Variants in NR6A1 observed in about 807,000 individuals in gnomAD.
The protein encoded by NR6A1 is nuclear receptor subfamily 6 group A member 1.
Under a neutral mutation model 59.1 loss-of-function variants are expected in NR6A1, and 7 were observed. The observed-to-expected ratio is 0.12, with a 90% CI of 0.07 to 0.22. NR6A1 has a LOEUF of 0.22. Ranked by LOEUF, NR6A1 falls within the 10% of genes least tolerant of loss-of-function variation. NR6A1 has a pLI of 1.00. For missense variants in NR6A1, 468 were observed against 611.6 expected (o/e 0.77, Z 2.48); for synonymous variants, 243 against 236.1 (o/e 1.03, Z -0.27).
At chr9:124,620,088 G>A (rs1027537572) in intron 2 of NR6A1, among the ~76,000 whole-genome samples, 2 of 151,946 alleles carry the variant, frequency 1.3e-5, no homozygotes, top group African/African-American at 2.4e-5. Context: ...CAATTAATTT[G>A]TTTTATTGTT....
chr9:124,558,703 G>C (rs557647563), intron 2 of NR6A1, among the ~76,000 whole-genome samples: 22 of 152,234 alleles, frequency 1.4e-4, no homozygotes, highest in African/African-American at 5.1e-4. Context: ...TAGTCATCCA[G>C]CTAGTAAGGG....
intron 2 of NR6A1, among the ~76,000 whole-genome samples, chr9:124,639,813 T>C (rs1463623239): frequency 6.6e-6 from 1 of 152,216 alleles, no homozygotes; most frequent in African/African-American, 2.4e-5. Flanking sequence ...TTGACCAAGT[T>C]GTTTCAATAG....
chr9:124,542,524 T>C (rs906021931), intron 4 of NR6A1, among the ~76,000 whole-genome samples: 2 of 152,190 alleles, frequency 1.3e-5, no homozygotes, highest in African/African-American at 4.8e-5. Context: ...CAAACTATTA[T>C]CTGTATCTCT....
chr9:124,619,539 A>G (rs1836001422), intron 2 of NR6A1, among the ~76,000 whole-genome samples: 2 of 152,208 alleles, frequency 1.3e-5, no homozygotes, highest in Admixed American at 6.5e-5. Flanking sequence ...CTGGGGTTAC[A>G]GGCATGAGCC....
intron 1 of NR6A1, among the ~76,000 whole-genome samples, chr9:124,762,523 G>A (rs1226048500): frequency 6.6e-6 from 1 of 152,156 alleles, no homozygotes; most frequent in African/African-American, 2.4e-5. Context: ...AATCGGAAAA[G>A]GAAGAAGTAT....
chr9:124,668,852 C>T (rs1837704905), intron 2 of NR6A1, among the ~76,000 whole-genome samples: 1 of 152,004 alleles, frequency 6.6e-6, no homozygotes, highest in Non-Finnish European at 1.5e-5. Flanking sequence ...ATCCTAAGCT[C>T]GCAAACACTG....
chr9:124,602,426 C>G (rs1309026298), intron 2 of NR6A1, among the ~76,000 whole-genome samples: 1 of 152,202 alleles, frequency 6.6e-6, no homozygotes, highest in East Asian at 1.9e-4. Flanking sequence ...CTGAACACAG[C>G]AACAGCTCAA....
chr9:124,746,397 T>A (rs747006071), intron 1 of NR6A1, among the ~76,000 whole-genome samples: 1 of 152,176 alleles, frequency 6.6e-6, no homozygotes, highest in Non-Finnish European at 1.5e-5. Flanking sequence ...AAGACCAGCC[T>A]GGTCACCACG....
Position 124,654,875 on chromosome 9 carries a change from T to TACACACACACACACACACAC in NR6A1, c.142+78413_142+78432dup, listed in dbSNP as rs3983841. ...TTTATACATACATTTTTTTTTTTTG[T>TACACACACACACACACACAC]ACACACACACACACACACACACACA... On this transcript the variant is annotated intron_variant, in intron 2 of 9. Coordinates refer to ENST00000487099, the MANE Select transcript of NR6A1 (RefSeq NM_033334.4). 2.7e-3 allele frequency among the ~76,000 whole-genome samples: 340 copies of TACACACACACACACACACAC among 123,892 alleles called. 2 individuals carry two copies. Among genetic ancestry groups the TACACACACACACACACACAC allele is most frequent in the Middle Eastern group, 3.9e-3 (1 of 254 alleles). 81.3% of individuals were successfully genotyped at this position (123,892 alleles called of 152,430 possible).
chr9:124,607,032 A>T (rs759511622), intron 2 of NR6A1: 3 of 152,196 alleles, frequency 2.0e-5, no homozygotes, highest in African/African-American at 4.8e-5. Flanking sequence ...AGAGATTGGG[A>T]TACATACTCC....
At chr9:124,584,679 C>A (rs1239426915) in intron 2 of NR6A1, among the ~76,000 whole-genome samples, 1 of 152,164 alleles carries the variant, frequency 6.6e-6, no homozygotes. Context: ...GTTCTGACTG[C>A]TCCACTGACC....
intron 2 of NR6A1, among the ~76,000 whole-genome samples, chr9:124,647,215 C>A (rs1203066762): frequency 5.3e-5 from 8 of 152,084 alleles, no homozygotes; most frequent in Admixed American, 5.2e-4. Flanking sequence ...CAGTGCCTGG[C>A]CCTGGTTTTT....
In NR6A1 at chr9:124,595,524, C is replaced by T. The variant is rs1330319704; in HGVS notation, c.143-40954G>A. ...AATTAATCCCCTTTCTTCTGCTCTTCATCAACCACAACAATGAATTCACTG... is the reference window on the plus strand; with the variant it reads ...AATTAATCCCCTTTCTTCTGCTCTTTATCAACCACAACAATGAATTCACTG... On this transcript the variant is annotated intron_variant, in intron 2 of 9. Coordinates refer to ENST00000487099, the MANE Select transcript of NR6A1 (RefSeq NM_033334.4). Among the ~76,000 whole-genome samples, 4 of 152,162 alleles carry T rather than the reference C, an allele frequency of 2.6e-5. No homozygotes were observed. The East Asian group carries it at 5.8e-4, about 22-fold the overall frequency.
chr9:124,616,952 T>C (rs572750427), intron 2 of NR6A1, among the ~76,000 whole-genome samples: 1 of 152,340 alleles, frequency 6.6e-6, no homozygotes, highest in African/African-American at 2.4e-5. Context: ...ACACACCCTG[T>C]GACCCAAAAA....
chr9:124,538,099 C>T lies in NR6A1; in HGVS notation c.817G>A (p.Glu273Lys), dbSNP rs751099754. ...AGGGCGGAGCTCACTCACCCATCTT[C>T]AATCAACATGGGCGTGCCCAATGGT... ...LEPLGTPMLI[E>K]DGYAVTQAEL... The change falls in exon 6 of 10, where the codon GAA (glutamate) becomes AAA (lysine). Residue 273 changes from glutamate (E) to lysine (K), a missense_variant. By Grantham distance (56) the Glu-to-Lys change is moderately conservative. Transcript: ENST00000487099. The T allele has an allele frequency of 6.2e-7, 1 of 1,606,712 alleles. No homozygotes were observed. The highest frequency in any genetic ancestry group is 1.1e-5 in the South Asian group (1 of 89,574).
At chr9:124,542,371 A>T (rs1480981518) in intron 4 of NR6A1, among the ~76,000 whole-genome samples, 1 of 152,238 alleles carries the variant, frequency 6.6e-6, no homozygotes, top group African/African-American at 2.4e-5. Flanking sequence ...TCCCCCAAAC[A>T]TCATCAGTGT....
At chr9:124,641,281 C>T (rs779002423) in intron 2 of NR6A1, among the ~76,000 whole-genome samples, 1 of 151,078 alleles carries the variant, frequency 6.6e-6, no homozygotes, top group Non-Finnish European at 1.5e-5. Context: ...ATTGCTTGAA[C>T]CCAGGAGGCA....
chr9:124,517,718 T>C lies in NR6A1; in HGVS notation c.*4987A>G, dbSNP rs1832718536. Reference sequence around the variant, plus strand: ...GGAAATGGAGGCCTCTTCAGGGGGGTGACTAGTCCCTGGCTGGGTAGGTGG... The same window carrying C: ...GGAAATGGAGGCCTCTTCAGGGGGGCGACTAGTCCCTGGCTGGGTAGGTGG... On this transcript the variant is annotated 3_prime_UTR_variant, in exon 10 of 10. Coordinates refer to ENST00000487099, the MANE Select transcript of NR6A1 (RefSeq NM_033334.4). 6.6e-6 allele frequency: 1 copy of C among 151,432 alleles called. No homozygotes were observed. Among genetic ancestry groups the C allele is most frequent in the African/African-American group, 2.4e-5 (1 of 41,128 alleles). The allele number at this position is 151,432 out of a possible 1,614,324, so 9.4% of individuals were successfully genotyped here.
intron 2 of NR6A1, among the ~76,000 whole-genome samples, chr9:124,712,213 G>C (rs575734254): frequency 4.0e-4 from 61 of 152,248 alleles, no homozygotes; most frequent in African/African-American, 1.4e-3. Context: ...TGCCCATCTA[G>C]AAAGCCTATT....
Sources: gnomAD v4.1 joint callset for allele counts (sites outside exome capture counted in the v4.1 genomes callset) on GRCh38, gnomAD v4.1.1 for gene constraint, MANE v1.5 for transcripts, NCBI Gene and HGNC (gene_info 2026-07-23, HGNC 2026-07-21) for gene names.